MAGI2: variants seen among roughly 807,000 people sequenced by gnomAD.
MAGI2 encodes membrane associated guanylate kinase, WW and PDZ domain containing 2, also known as membrane-associated guanylate kinase, WW and PDZ domain-containing protein 2.
Under a neutral mutation model 133.3 loss-of-function variants are expected in MAGI2, and 35 were observed. The observed-to-expected ratio is 0.26, with a 90% CI of 0.20 to 0.35. The LOEUF is 0.35. Among genes scored for constraint, MAGI2 ranks in the 10% least tolerant of loss-of-function variants. The probability of loss-of-function intolerance (pLI) is 1.00; values close to 1 mark genes in which losing one functional copy is unlikely to be tolerated. For synonymous variants in MAGI2, 729 were observed against 710.6 expected (o/e 1.03, Z -0.41); for missense variants, 1,636 against 1,863.4 (o/e 0.88, Z 2.25).
chr7:79,338,966 A>G (rs1228953250), intron 1 of MAGI2, among the ~76,000 whole-genome samples: 1 of 152,166 alleles, frequency 6.6e-6, no homozygotes, highest in African/African-American at 2.4e-5. Flanking sequence ...ACCAAAAGTC[A>G]GTAGACATTA....
intron 21 of MAGI2, among the ~76,000 whole-genome samples, chr7:78,056,849 C>T (rs561135753): frequency 1.3e-5 from 2 of 152,168 alleles, no homozygotes; most frequent in Non-Finnish European, 2.9e-5. Flanking sequence ...TTCCACTGTA[C>T]GTAGGTGTAC....
chr7:78,763,424 G>T (rs1348765400), intron 2 of MAGI2, among the ~76,000 whole-genome samples: 4 of 152,092 alleles, frequency 2.6e-5, no homozygotes, highest in Non-Finnish European at 1.5e-5. Flanking sequence ...AATAAAATAG[G>T]GGTAGAAATA....
At chr7:78,878,606 TTA>T (rs781256030) in intron 2 of MAGI2, among the ~76,000 whole-genome samples, 7 of 152,222 alleles carry the variant, frequency 4.6e-5, no homozygotes, top group Non-Finnish European at 8.8e-5. Flanking sequence ...CATATGTCTT[TTA>T]TTACCAATAA....
At chr7:78,198,367 T>G (rs1370701217) in intron 11 of MAGI2, among the ~76,000 whole-genome samples, 1 of 151,766 alleles carries the variant, frequency 6.6e-6, no homozygotes, top group Admixed American at 6.6e-5. Flanking sequence ...GCAGCCTGGA[T>G]GTACAGTCCA....
chr7:78,125,646 GTTT>G, intron 20 of MAGI2, 45 bp downstream of exon 20: 1 of 1,597,856 alleles, frequency 6.3e-7, no homozygotes, highest in Non-Finnish European at 8.6e-7. Context: ...ACCACAGTCG[GTTT>G]TTCTTTCAGA....
chr7:78,178,311 C>G (rs1172240367), intron 13 of MAGI2, among the ~76,000 whole-genome samples: 1 of 152,088 alleles, frequency 6.6e-6, no homozygotes, highest in Admixed American at 6.5e-5. Context: ...TAGTGACTAG[C>G]CGAGGGCACT....
intron 3 of MAGI2, among the ~76,000 whole-genome samples, chr7:78,547,940 A>G (rs1799004019): frequency 1.3e-5 from 2 of 152,218 alleles, no homozygotes; most frequent in African/African-American, 4.8e-5. Context: ...TGGTGAGTAC[A>G]GTTTGCCTTA....
chr7:78,523,103 G>A (rs756159434), intron 3 of MAGI2, among the ~76,000 whole-genome samples: 4 of 152,180 alleles, frequency 2.6e-5, no homozygotes, highest in African/African-American at 4.8e-5. Flanking sequence ...TGGGTAAAAG[G>A]TGTGCTGTGA....
rs118008087 is a variant in MAGI2 at position 79,206,276 on chromosome 7, A to G, written c.302-199070T>C. Among the ~76,000 whole-genome samples, 1,052 of 151,900 alleles carry G rather than the reference A, an allele frequency of 6.9e-3. 9 individuals are homozygous for G. Among genetic ancestry groups the G allele is most frequent in the Non-Finnish European group, 9.2e-3 (627 of 67,866 alleles). On this transcript the variant is annotated intron_variant, in intron 1 of 21. Transcript: ENST00000354212. ...TAGAGACTACGAATACAATAGAAAA[A>G]TTAATAAAACTGAGTTGGTTTTTTG...
chr7:78,271,760 C>A (rs1379454986), intron 9 of MAGI2, among the ~76,000 whole-genome samples: 2 of 152,150 alleles, frequency 1.3e-5, no homozygotes, highest in African/African-American at 4.8e-5. Flanking sequence ...TTATACTATT[C>A]TGATGGTAGT....
intron 7 of MAGI2, among the ~76,000 whole-genome samples, chr7:78,361,903 C>T (rs1792856338): frequency 6.6e-6 from 1 of 152,140 alleles, no homozygotes; most frequent in Non-Finnish European, 1.5e-5. Context: ...CCTCTAACTT[C>T]AGAAACAGGG....
intron 1 of MAGI2, among the ~76,000 whole-genome samples, chr7:79,046,856 A>G (rs757090556): frequency 1.2e-4 from 19 of 152,252 alleles, no homozygotes; most frequent in Non-Finnish European, 2.4e-4. Flanking sequence ...AGAAATGTGT[A>G]GTGCCTCACT....
rs1431332467 is a variant in MAGI2 at position 78,125,844 on chromosome 7, G to C, written c.3424-7C>G. 5 of 1,613,498 alleles carry C rather than the reference G, an allele frequency of 3.1e-6. No individual in the cohort carries two copies. Among genetic ancestry groups the C allele is most frequent in the Non-Finnish European group, 4.2e-6 (5 of 1,179,684 alleles). On this transcript the variant is annotated splice_polypyrimidine_tract_variant and splice_region_variant and intron_variant, in intron 19 of 21. Transcript: ENST00000354212. ...CAGTGAAATAATCAAAATCCTTTGG[G>C]GTTGGGGAGAAAATGGAATAAATAA...
intron 1 of MAGI2, among the ~76,000 whole-genome samples, chr7:79,325,852 A>AT (rs1282310541): frequency 1.3e-5 from 2 of 152,160 alleles, no homozygotes; most frequent in Non-Finnish European, 2.9e-5. Context: ...TCTGTTTGAG[A>AT]TAAAAACTGC....
intron 1 of MAGI2, among the ~76,000 whole-genome samples, chr7:79,358,607 T>A (rs531488770): frequency 6.6e-6 from 1 of 152,268 alleles, no homozygotes; most frequent in African/African-American, 2.4e-5. Flanking sequence ...CCCTATGATC[T>A]GAGGATCTCC....
intron 5 of MAGI2, among the ~76,000 whole-genome samples, chr7:78,497,594 TA>T (rs1007696822): frequency 8.5e-5 from 13 of 152,200 alleles, no homozygotes; most frequent in African/African-American, 2.6e-4. Context: ...CATTATTGCA[TA>T]AAAAAAGACA....
At chr7:79,097,522 G>A (rs1378800814) in intron 1 of MAGI2, among the ~76,000 whole-genome samples, 1 of 152,068 alleles carries the variant, frequency 6.6e-6, no homozygotes, top group Non-Finnish European at 1.5e-5. Flanking sequence ...GCAGAGAGTG[G>A]GGAACCCAGG....
intron 2 of MAGI2, among the ~76,000 whole-genome samples, chr7:78,636,144 C>T (rs560209694): frequency 7.2e-5 from 11 of 152,214 alleles, no homozygotes; most frequent in African/African-American, 2.6e-4. Context: ...CAATAAAACA[C>T]TATGCACATT....
At chr7:78,474,859 A>G (rs777252101) in intron 6 of MAGI2, among the ~76,000 whole-genome samples, 6 of 151,820 alleles carry the variant, frequency 4.0e-5, no homozygotes, top group Non-Finnish European at 5.9e-5. Flanking sequence ...GCTCTCACAA[A>G]CATAGGGAAG....
Sources: allele counts gnomAD v4.1 joint callset (sites outside exome capture counted in the v4.1 genomes callset), GRCh38; gene constraint gnomAD v4.1.1; transcripts MANE v1.5; gene names NCBI Gene and HGNC (gene_info 2026-07-23, HGNC 2026-07-21).